Variants in ALDH1A2 observed in about 807,000 individuals in gnomAD.
ALDH1A2 encodes the protein aldehyde dehydrogenase 1 family member A2.
ALDH1A2 carries 27 observed loss-of-function variants against 60.3 expected under a neutral mutation model. The ratio of observed to expected loss-of-function variants is 0.45; its 90% CI spans 0.33 to 0.62. The LOEUF (loss-of-function observed/expected upper bound fraction) is 0.62. Among genes scored for constraint, ALDH1A2 ranks in the 20% least tolerant of loss-of-function variants. The pLI is 0.02. For missense variants in ALDH1A2, 581 were observed against 643.8 expected, an observed-to-expected ratio of 0.90 and a Z score of 1.06; for synonymous variants, 289 against 232.4, an observed-to-expected ratio of 1.24 and a Z score of -2.21.
At chr15:57,970,503 A>C (rs926699074) in intron 7 of ALDH1A2, among the ~76,000 whole-genome samples, 1 of 152,230 alleles carries the variant, frequency 6.6e-6, no homozygotes, top group Admixed American at 6.5e-5. Context: ...GCAATGCGGC[A>C]ATGTAGGGGA....
chr15:57,967,919 A>G (rs1311872094), intron 7 of ALDH1A2, among the ~76,000 whole-genome samples: 1 of 152,194 alleles, frequency 6.6e-6, no homozygotes, highest in Non-Finnish European at 1.5e-5. Flanking sequence ...CACAAAGGGA[A>G]GGAGAATCTG....
chr15:58,038,876 T>C (rs970824972), intron 1 of ALDH1A2, among the ~76,000 whole-genome samples: 1 of 151,818 alleles, frequency 6.6e-6, no homozygotes, highest in Non-Finnish European at 1.5e-5. Context: ...GAGTATTTAC[T>C]CTAGTGCACA....
chr15:57,981,854 G>A (rs1431578328), intron 7 of ALDH1A2, among the ~76,000 whole-genome samples: 2 of 152,184 alleles, frequency 1.3e-5, no homozygotes, highest in African/African-American at 4.8e-5. Flanking sequence ...ATTCAGTTTA[G>A]CTATAATGTC....
rs1328644422 is a variant in ALDH1A2 at position 58,038,498 on chromosome 15, TC to T, written c.118-24218del. 2.0e-5 allele frequency: 3 copies of T among 151,764 alleles called. No homozygotes were observed. The East Asian group carries it at 5.8e-4, about 29-fold the overall frequency. The allele number at this position is 151,764 out of a possible 1,614,324, so 9.4% of individuals were successfully genotyped here. ...CTAAAACAGACCCAGTTACGTGTAATCAGGGTACCTACCTATTCTACTGTCC... is the reference window on the plus strand; with the variant it reads ...CTAAAACAGACCCAGTTACGTGTAATAGGGTACCTACCTATTCTACTGTCC... On this transcript the variant is annotated intron_variant, in intron 1 of 12. Transcript: ENST00000249750.
chr15:58,032,286 A>G (rs1896260626), intron 1 of ALDH1A2, among the ~76,000 whole-genome samples: 1 of 152,108 alleles, frequency 6.6e-6, no homozygotes, highest in South Asian at 2.1e-4. Flanking sequence ...GTTCTCACTC[A>G]TAGGTGGGAA....
chr15:58,034,766 A>G (rs1381845343), intron 1 of ALDH1A2, among the ~76,000 whole-genome samples: 1 of 151,686 alleles, frequency 6.6e-6, no homozygotes, highest in African/African-American at 2.4e-5. Flanking sequence ...GATAAGACAG[A>G]CTACATTAAT....
intron 5 of ALDH1A2, among the ~76,000 whole-genome samples, chr15:57,994,661 C>G (rs1245370973): frequency 1.3e-5 from 2 of 151,982 alleles, no homozygotes; most frequent in Non-Finnish European, 2.9e-5. Flanking sequence ...TATCTAGATT[C>G]TTGAGAAAAG....
At chr15:58,037,297 G>C (rs1324132502) in intron 1 of ALDH1A2, among the ~76,000 whole-genome samples, 1 of 151,508 alleles carries the variant, frequency 6.6e-6, no homozygotes, top group East Asian at 1.9e-4. Context: ...GAATTTTTAA[G>C]GTATGTTATA....
In ALDH1A2 at chr15:58,014,294, A is replaced by G. The variant is rs1362416464; in HGVS notation, c.118-13T>C. ...TGTTTATAAAGATCTAAGGGAGTAG[A>G]TAACAGAATGGGATCTGTGACACAG... On this transcript the variant is annotated splice_polypyrimidine_tract_variant and intron_variant, in intron 1 of 12. Transcript: ENST00000249750. The G allele has an allele frequency of 2.5e-6, 4 of 1,603,094 alleles. No individual in the cohort carries two copies. The highest frequency in any genetic ancestry group is 1.6e-4 in the Middle Eastern group (1 of 6,066).
At chr15:58,058,675 A>G (rs1896954012) in intron 1 of ALDH1A2, among the ~76,000 whole-genome samples, 1 of 152,180 alleles carries the variant, frequency 6.6e-6, no homozygotes, top group Non-Finnish European at 1.5e-5. Flanking sequence ...AGTTTGACCT[A>G]AACAAAAGCT....
At chr15:58,018,522 G>A (rs890783405) in intron 1 of ALDH1A2, among the ~76,000 whole-genome samples, 1 of 152,088 alleles carries the variant, frequency 6.6e-6, no homozygotes, top group African/African-American at 2.4e-5. Flanking sequence ...AATGAAAAAT[G>A]TATGATGTAT....
chr15:58,010,873 C>A, intron 3 of ALDH1A2, 95 bp from the exon 4 acceptor site: 1 of 1,484,128 alleles, frequency 6.7e-7, no homozygotes, highest in Non-Finnish European at 9.3e-7. Flanking sequence ...AGAGAGAATA[C>A]AAATGCATAT....
intron 7 of ALDH1A2, among the ~76,000 whole-genome samples, chr15:57,978,095 G>C (rs1595630820): frequency 6.6e-6 from 1 of 152,198 alleles, no homozygotes; most frequent in Non-Finnish European, 1.5e-5. Flanking sequence ...ATTTTGGGCT[G>C]AGACTATGGG....
chr15:58,058,339 C>T (rs546701163), intron 1 of ALDH1A2, among the ~76,000 whole-genome samples: 2 of 151,696 alleles, frequency 1.3e-5, no homozygotes, highest in East Asian at 1.9e-4. Context: ...TAGTGGGTTT[C>T]CTAAACTCAC....
At chr15:57,996,066 G>C (rs1203541653) in intron 4 of ALDH1A2, among the ~76,000 whole-genome samples, 3 of 151,994 alleles carry the variant, frequency 2.0e-5, no homozygotes, top group African/African-American at 7.2e-5. Context: ...TCTCTCAAAA[G>C]CAGTCCCCTA....
At chr15:58,018,154 C>T (rs915328309) in intron 1 of ALDH1A2, among the ~76,000 whole-genome samples, 1 of 151,866 alleles carries the variant, frequency 6.6e-6, no homozygotes. Context: ...ATTGTGGTGC[C>T]TGAAATCAAG....
At chr15:57,979,109 C>T (rs1375155262) in intron 7 of ALDH1A2, among the ~76,000 whole-genome samples, 2 of 152,066 alleles carry the variant, frequency 1.3e-5, no homozygotes, top group Non-Finnish European at 2.9e-5. Context: ...CTTCCTTGTA[C>T]AGGCCTCACT....
chr15:58,059,662 A>AT (rs1165371145), intron 1 of ALDH1A2, among the ~76,000 whole-genome samples: 1 of 152,172 alleles, frequency 6.6e-6, no homozygotes, highest in Non-Finnish European at 1.5e-5. Context: ...TTCATGCTAT[A>AT]TTTTGGCACA....
chr15:58,023,544 C>T (rs1254865490), intron 1 of ALDH1A2, among the ~76,000 whole-genome samples: 1 of 151,240 alleles, frequency 6.6e-6, no homozygotes, highest in East Asian at 1.9e-4. Context: ...CTAACAACAG[C>T]AACAGAAAAG....
Sources: allele counts gnomAD v4.1 joint callset (sites outside exome capture counted in the v4.1 genomes callset), GRCh38; gene constraint gnomAD v4.1.1; transcripts MANE v1.5; gene names NCBI Gene and HGNC (gene_info 2026-07-23, HGNC 2026-07-21).